Variants in NRG3 observed in about 807,000 individuals in gnomAD.
The protein encoded by NRG3 is pro-neuregulin-3, membrane-bound isoform.
NRG3 carries 31 observed loss-of-function variants against 66.9 expected under a neutral mutation model. That is an observed-to-expected ratio of 0.46 (90% CI 0.35 to 0.63). NRG3 has a LOEUF of 0.63. Ranked by LOEUF, NRG3 falls within the 20% of genes least tolerant of loss-of-function variation. NRG3 has a pLI of 0.00. For missense variants in NRG3, 910 were observed against 878.9 expected (o/e 1.04, Z -0.45); for synonymous variants, 393 against 359.4 (o/e 1.09, Z -1.06).
At chr10:82,013,634 G>T (rs17648546) in intron 1 of NRG3, among the ~76,000 whole-genome samples, 11,699 of 151,518 alleles carry the variant, frequency 0.077, 638 homozygotes, top group Non-Finnish European at 0.11. Flanking sequence ...TTTTTCTTTT[G>T]CAAGGTCAGA....
At chr10:82,182,837 A>T (rs569911440) in intron 1 of NRG3, among the ~76,000 whole-genome samples, 29 of 152,026 alleles carry the variant, frequency 1.9e-4, no homozygotes, top group Admixed American at 1.9e-3. Flanking sequence ...GAACTCCCTC[A>T]GTTTTGTTCA....
chr10:82,673,732 A>T (rs1291941469), intron 2 of NRG3, among the ~76,000 whole-genome samples: 1 of 152,208 alleles, frequency 6.6e-6, no homozygotes, highest in Non-Finnish European at 1.5e-5. Context: ...AGACAGGTTG[A>T]GTTTGAGATG....
intron 1 of NRG3, among the ~76,000 whole-genome samples, chr10:82,100,372 C>T (rs948793506): frequency 4.6e-5 from 7 of 151,896 alleles, no homozygotes; most frequent in African/African-American, 1.7e-4. Context: ...CTCCCTCTTC[C>T]TTTTTTTCAG....
intron 1 of NRG3, among the ~76,000 whole-genome samples, chr10:81,885,128 G>A (rs560018058): frequency 2.2e-4 from 33 of 152,162 alleles, no homozygotes; most frequent in Non-Finnish European, 3.7e-4. Flanking sequence ...TTTCTCTTAT[G>A]GCTGCTTGTA....
intron 2 of NRG3, among the ~76,000 whole-genome samples, chr10:82,477,962 G>A (rs10884753): frequency 0.56 from 85,480 of 151,990 alleles, 28,159 homozygotes; most frequent in South Asian, 0.77. Flanking sequence ...TAAGGAAAAC[G>A]GGACTACTCT....
chr10:82,051,093 A>T (rs1199684764), intron 1 of NRG3, among the ~76,000 whole-genome samples: 1 of 152,050 alleles, frequency 6.6e-6, no homozygotes, highest in Non-Finnish European at 1.5e-5. Context: ...ATATTTATCT[A>T]TTTTCATCCA....
At chr10:82,242,790 G>A (rs1429229003) in intron 1 of NRG3, among the ~76,000 whole-genome samples, 1 of 152,066 alleles carries the variant, frequency 6.6e-6, no homozygotes, top group African/African-American at 2.4e-5. Flanking sequence ...TCTCAGGCAG[G>A]GAACCCATTC....
intron 1 of NRG3, among the ~76,000 whole-genome samples, chr10:81,957,077 A>T (rs1849908414): frequency 6.6e-6 from 1 of 152,148 alleles, no homozygotes; most frequent in Non-Finnish European, 1.5e-5. Flanking sequence ...TGCTTCTTGG[A>T]TAGGGTTATT....
chr10:82,872,345 T>C (rs898691820), intron 4 of NRG3, among the ~76,000 whole-genome samples: 8 of 152,182 alleles, frequency 5.3e-5, no homozygotes, highest in Non-Finnish European at 8.8e-5. Context: ...CTTTGAGCAA[T>C]ATGACTTTCA....
chr10:82,814,005 T>C (rs1368781318), intron 3 of NRG3, among the ~76,000 whole-genome samples: 1 of 152,260 alleles, frequency 6.6e-6, no homozygotes, highest in Non-Finnish European at 1.5e-5. Context: ...ACTCGTACTC[T>C]GTGCAGGTGG....
At chr10:82,070,797 G>A (rs999426393) in intron 1 of NRG3, among the ~76,000 whole-genome samples, 10 of 152,108 alleles carry the variant, frequency 6.6e-5, no homozygotes, top group Non-Finnish European at 1.3e-4. Context: ...CAATATTTTT[G>A]CCTATCAAAT....
At chr10:82,306,918 A>G (rs2134891210) in intron 1 of NRG3, among the ~76,000 whole-genome samples, 1 of 152,154 alleles carries the variant, frequency 6.6e-6, no homozygotes, top group Middle Eastern at 3.4e-3. Flanking sequence ...AGCTCTATGA[A>G]GTTTTGATAT....
intron 3 of NRG3, chr10:82,799,641 G>A (rs2060951854): frequency 6.6e-6 from 1 of 151,952 alleles, no homozygotes; most frequent in African/African-American, 2.4e-5. Flanking sequence ...TGTAGCATTT[G>A]TTGACAACAC....
intron 1 of NRG3, among the ~76,000 whole-genome samples, chr10:81,896,823 T>G (rs558489067): frequency 6.6e-6 from 1 of 152,284 alleles, no homozygotes; most frequent in Middle Eastern, 3.4e-3. Flanking sequence ...AACTATTTCT[T>G]AAGCACCTAC....
chr10:82,442,161 TC>T (rs2090464663), intron 2 of NRG3, among the ~76,000 whole-genome samples: 1 of 152,194 alleles, frequency 6.6e-6, no homozygotes, highest in Non-Finnish European at 1.5e-5. Flanking sequence ...TACCTTTCCT[TC>T]TGACTACTTG....
intron 1 of NRG3, among the ~76,000 whole-genome samples, chr10:82,071,141 ATAAC>A (rs2133325407): frequency 6.6e-6 from 1 of 152,314 alleles, no homozygotes; most frequent in East Asian, 1.9e-4. Context: ...CATTGATTCA[ATAAC>A]TAAATATCCA....
intron 2 of NRG3, among the ~76,000 whole-genome samples, chr10:82,364,974 T>C (rs2084427295): frequency 6.6e-6 from 1 of 152,182 alleles, no homozygotes; most frequent in African/African-American, 2.4e-5. Context: ...TAGTTTTTTC[T>C]CCCTATTATG....
intron 3 of NRG3, among the ~76,000 whole-genome samples, chr10:82,758,029 T>G (rs1013283715): frequency 4.6e-5 from 7 of 152,078 alleles, no homozygotes; most frequent in Admixed American, 3.9e-4. Context: ...AGGTGTCCCA[T>G]GTGAATTGCA....
intron 3 of NRG3, among the ~76,000 whole-genome samples, chr10:82,863,576 T>C (rs549668618): frequency 6.6e-6 from 1 of 152,342 alleles, no homozygotes; most frequent in Non-Finnish European, 1.5e-5. Context: ...TGGTATCTCA[T>C]TGTGGTTTTG....
Sources: allele counts gnomAD v4.1 joint callset (sites outside exome capture counted in the v4.1 genomes callset), GRCh38; gene constraint gnomAD v4.1.1; transcripts MANE v1.5; gene names NCBI Gene and HGNC (gene_info 2026-07-23, HGNC 2026-07-21).